The following FBXO25 variants were observed in gnomAD, a reference collection of about 807,000 sequenced individuals.
FBXO25 encodes the protein F-box protein 25.
In FBXO25, 45 loss-of-function variants were observed where a neutral mutation model predicts 51.9. The ratio of observed to expected loss-of-function variants is 0.87; its 90% CI spans 0.68 to 1.11. The LOEUF (loss-of-function observed/expected upper bound fraction) is 1.11, where lower values mean the gene tolerates loss of function less well. Ranked by LOEUF, FBXO25 falls within the 50% of genes most tolerant of loss-of-function variation. The probability of loss-of-function intolerance (pLI) is 0.00; values close to 1 mark genes in which losing one functional copy is unlikely to be tolerated. For synonymous variants in FBXO25, 199 were observed against 151.0 expected (o/e 1.32, Z -2.33); for missense variants, 507 against 428.5 (o/e 1.18, Z -1.62).
At chr8:467,609 GA>G (rs1303270088) in intron 9 of FBXO25, 1 of 1,080,732 alleles carries the variant, frequency 9.3e-7, no homozygotes. Context: ...TAAATAATAT[GA>G]ATCAAACCTG....
intron 8 of FBXO25, 60 bp downstream of exon 8, chr8:458,611 C>T (rs900189122): frequency 6.5e-7 from 1 of 1,531,924 alleles, no homozygotes; most frequent in Non-Finnish European, 8.9e-7. Context: ...GCCTGGGGGC[C>T]ATACCCTATA....
intron 2 of FBXO25, among the ~76,000 whole-genome samples, chr8:423,375 G>C (rs900602469): frequency 6.6e-5 from 10 of 152,248 alleles, no homozygotes; most frequent in Middle Eastern, 3.4e-3. Flanking sequence ...TGAGGCTGGG[G>C]TTTGGAGTAC....
chr8:452,589 A>G (rs976757737), intron 7 of FBXO25, among the ~76,000 whole-genome samples: 1 of 152,142 alleles, frequency 6.6e-6, no homozygotes, highest in African/African-American at 2.4e-5. Flanking sequence ...TTCTGGGGAG[A>G]GAATAGGGTG....
At chr8:425,285 TA>T (rs1245228139) in intron 2 of FBXO25, among the ~76,000 whole-genome samples, 1 of 152,184 alleles carries the variant, frequency 6.6e-6, no homozygotes, top group Non-Finnish European at 1.5e-5. Context: ...GTTTTATTCT[TA>T]AAATTTGATA....
intron 1 of FBXO25, among the ~76,000 whole-genome samples, chr8:408,409 G>A (rs1377475144): frequency 6.6e-6 from 1 of 152,124 alleles, no homozygotes; most frequent in Admixed American, 6.5e-5. Context: ...TAAACATAGT[G>A]GTTAGGAGCA....
chr8:414,717 G>C (rs542780773), intron 2 of FBXO25, among the ~76,000 whole-genome samples: 1 of 151,898 alleles, frequency 6.6e-6, no homozygotes, highest in Non-Finnish European at 1.5e-5. Flanking sequence ...CTACAGATCC[G>C]CCCCTTTGAA....
At chr8:449,170 A>C (rs56312004) in intron 5 of FBXO25, among the ~76,000 whole-genome samples, 77 of 152,376 alleles carry the variant, frequency 5.1e-4, no homozygotes, top group African/African-American at 1.8e-3. Flanking sequence ...GATTTACAAA[A>C]GTTGAAAATA....
At position 471,423 on chromosome 8, in the gene FBXO25, T is replaced by C. The variant is rs1027760508; in HGVS notation, c.*2619T>C. On this transcript the variant is annotated 3_prime_UTR_variant, in exon 10 of 10. Transcript: ENST00000350302. Reference sequence around the variant, plus strand: ...TTTGGAATGGTATTTTTGAATACAGTTTCTATCAGGGGGCCTTCCAAAAGT... The same window carrying C: ...TTTGGAATGGTATTTTTGAATACAGCTTCTATCAGGGGGCCTTCCAAAAGT... 3.3e-5 allele frequency: 5 copies of C among 152,216 alleles called. No homozygotes were observed. The highest frequency in any genetic ancestry group is 1.3e-4 in the Admixed American group (2 of 15,282). 9.4% of individuals were successfully genotyped at this position (152,216 alleles called of 1,614,324 possible).
chr8:425,581 G>A (rs1797422634), intron 2 of FBXO25, among the ~76,000 whole-genome samples: 1 of 150,740 alleles, frequency 6.6e-6, no homozygotes, highest in Non-Finnish European at 1.5e-5. Context: ...GGCTTTTTCA[G>A]TTATATGTTT....
Position 475,018 on chromosome 8 carries a change from T to G in FBXO25, c.*6214T>G, listed in dbSNP as rs145179538. ...TAGTTACCTGTGTGTGCCTCTGGTG[T>G]CATATCTAAGAAATCACTGCCAAAT... is the stretch of plus-strand genomic sequence containing the variant. On this transcript the variant is annotated 3_prime_UTR_variant, in exon 10 of 10. Transcript: ENST00000350302. 3 of 403,738 alleles carry G rather than the reference T, an allele frequency of 7.4e-6. No individual in the cohort carries two copies. Among genetic ancestry groups the G allele is most frequent in the East Asian group, 1.4e-4 (2 of 14,164 alleles). The allele number at this position is 403,738 out of a possible 1,614,324, so 25.0% of individuals were successfully genotyped here. A position where few individuals can be genotyped will look rare whatever the true frequency, so the allele number is the denominator to read the frequency against.
intron 4 of FBXO25, among the ~76,000 whole-genome samples, chr8:433,856 TG>T (rs1797956628): frequency 1.3e-5 from 2 of 152,340 alleles, no homozygotes; most frequent in South Asian, 4.2e-4. Context: ...TGTTTGGTTA[TG>T]GTTAGTGGGT....
chr8:450,361 C>G (rs1025613028), intron 6 of FBXO25, among the ~76,000 whole-genome samples: 56 of 152,296 alleles, frequency 3.7e-4, no homozygotes, highest in African/African-American at 1.3e-3. Context: ...TCATGGTTAG[C>G]TAATCACAGT....
chr8:459,288 G>C (rs1799654366), intron 8 of FBXO25, among the ~76,000 whole-genome samples: 1 of 152,236 alleles, frequency 6.6e-6, no homozygotes, highest in Non-Finnish European at 1.5e-5. Flanking sequence ...GAAGACCTAG[G>C]ATGGGACTGG....
intron 5 of FBXO25, among the ~76,000 whole-genome samples, chr8:441,106 C>T (rs371218537): frequency 6.7e-6 from 1 of 150,142 alleles, no homozygotes; most frequent in Non-Finnish European, 1.5e-5. Context: ...TACTACCTGA[C>T]TTCAGACTAT....
chr8:409,675 A>T (rs1436224704), intron 1 of FBXO25, among the ~76,000 whole-genome samples: 1 of 152,194 alleles, frequency 6.6e-6, no homozygotes, highest in Admixed American at 6.5e-5. Context: ...TCAGCTGAGG[A>T]TACCGGGATG....
intron 2 of FBXO25, among the ~76,000 whole-genome samples, chr8:423,903 C>T (rs1036889411): frequency 2.6e-5 from 4 of 152,160 alleles, no homozygotes; most frequent in African/African-American, 9.7e-5. Flanking sequence ...GATTTACATT[C>T]CCGTCAACAG....
At position 475,517 on chromosome 8, in the gene FBXO25, A is replaced by C. The variant is rs6992395; in HGVS notation, c.*6713A>C. 4 of 152,148 alleles carry C rather than the reference A, an allele frequency of 2.6e-5. No homozygotes were observed. The highest frequency in any genetic ancestry group is 5.9e-5 in the Non-Finnish European group (4 of 68,288). The allele number at this position is 152,148 out of a possible 1,614,324, so 9.4% of individuals were successfully genotyped here. On this transcript the variant is annotated 3_prime_UTR_variant, in exon 10 of 10. Coordinates refer to ENST00000350302, the MANE Select transcript of FBXO25 (RefSeq NM_183420.2). Reference sequence around the variant, plus strand: ...GCATGAAATCTATAGATTGCTTTGGACTATGGACATCTTAAGGTATCCAAT... The same window carrying C: ...GCATGAAATCTATAGATTGCTTTGGCCTATGGACATCTTAAGGTATCCAAT...
intron 2 of FBXO25, among the ~76,000 whole-genome samples, chr8:430,268 A>T (rs1797747259): frequency 6.6e-6 from 1 of 152,256 alleles, no homozygotes; most frequent in Non-Finnish European, 1.5e-5. Context: ...GACTAAATAC[A>T]AAATACAAAC....
intron 2 of FBXO25, among the ~76,000 whole-genome samples, chr8:426,413 C>T (rs1287621677): frequency 1.3e-5 from 2 of 151,930 alleles, no homozygotes; most frequent in African/African-American, 2.4e-5. Context: ...ACTCACGAGT[C>T]CAGTTTTCAT....
Sources: gnomAD v4.1 joint callset for allele counts (sites outside exome capture counted in the v4.1 genomes callset) on GRCh38, gnomAD v4.1.1 for gene constraint, MANE v1.5 for transcripts, NCBI Gene and HGNC (gene_info 2026-07-23, HGNC 2026-07-21) for gene names.